WDR33: variants seen among roughly 807,000 people sequenced by gnomAD.
The protein encoded by WDR33 is pre-mRNA 3' end processing protein WDR33.
A neutral mutation model predicts 164.9 loss-of-function variants in WDR33; 47 were observed. That is an observed-to-expected ratio of 0.29 (90% CI 0.23 to 0.36). The LOEUF (loss-of-function observed/expected upper bound fraction) is 0.36, where lower values mean the gene tolerates loss of function less well. WDR33 is among the 10% of genes least tolerant of loss of function. WDR33 has a pLI of 1.00. For missense variants in WDR33, 1,137 were observed against 1,754.1 expected (o/e 0.65, Z 6.28); for synonymous variants, 505 against 589.0 (o/e 0.86, Z 2.06).
chr2:127,734,356 C>T (rs1227200902), intron 7 of WDR33, among the ~76,000 whole-genome samples: 1 of 152,184 alleles, frequency 6.6e-6, no homozygotes, highest in East Asian at 1.9e-4. Flanking sequence ...CTTCAGAGTC[C>T]TAGCTAAATG....
At chr2:127,795,102 C>CTCTTT (rs1553481290) in intron 1 of WDR33, among the ~76,000 whole-genome samples, 27 of 131,138 alleles carry the variant, frequency 2.1e-4, no homozygotes, top group Admixed American at 1.9e-3. Flanking sequence ...AATAACTTCT[C>CTCTTT]TTTTTTTTTT....
Position 127,725,152 on chromosome 2 carries a change from T to G in WDR33, c.915A>C (p.Thr305=), listed in dbSNP as rs1686534108. ...GTTTACAGAGATGATCACGTGATGC[T>G]GTGAGTAGCCAATTGCCATTGAGGT... is the stretch of plus-strand genomic sequence containing the variant. ...KLNLNGNWLL[T]ASRDHLCKLF... Residue 305 remains threonine, a synonymous_variant, in exon 9 of 22, where the codon ACA becomes ACC. Coordinates refer to ENST00000322313, the MANE Select transcript of WDR33 (RefSeq NM_018383.5). 1.2e-6 allele frequency: 2 copies of G among 1,613,994 alleles called. No individual in the cohort carries two copies. Among genetic ancestry groups the G allele is most frequent in the Non-Finnish European group, 1.7e-6 (2 of 1,179,998 alleles).
chr2:127,726,137 A>G lies in WDR33; in HGVS notation c.851+514T>C, dbSNP rs916907660. 6.6e-6 allele frequency among the ~76,000 whole-genome samples: 1 copy of G among 152,250 alleles called. No individual in the cohort carries two copies. Among genetic ancestry groups the G allele is most frequent in the African/African-American group, 2.4e-5 (1 of 41,468 alleles). Reference sequence around the variant, plus strand: ...AGGAAATGGATGCTTGGTCAAAAAAATGTTAACATATGCATGTAGCTGTGA... The same window carrying G: ...AGGAAATGGATGCTTGGTCAAAAAAGTGTTAACATATGCATGTAGCTGTGA... On this transcript the variant is annotated intron_variant, in intron 8 of 21. Coordinates refer to ENST00000322313, the MANE Select transcript of WDR33 (RefSeq NM_018383.5). This position sits in a 1 kb window ranked among gnomAD's most constrained non-coding sequence, Gnocchi z 4.8.
chr2:127,711,780 A>ATATATATATATATATTTTTTTTTTTTTTT, intron 18 of WDR33, among the ~76,000 whole-genome samples: 1 of 88,306 alleles, frequency 1.1e-5, no homozygotes, highest in South Asian at 4.6e-4. Context: ...ATATATATAT[A>ATATATATATATATATTTTTTTTTTTTTTT]TTTTTTTTTT....
At chr2:127,765,515 C>G (rs1048148272) in intron 4 of WDR33, among the ~76,000 whole-genome samples, 2 of 151,960 alleles carry the variant, frequency 1.3e-5, no homozygotes, top group Admixed American at 1.3e-4. Flanking sequence ...GTATACGCAC[C>G]TACTCACTAA....
chr2:127,714,050 T>A lies in WDR33; in HGVS notation c.2870-29A>T, dbSNP rs749781208. 5 of 1,496,208 alleles carry A rather than the reference T, an allele frequency of 3.3e-6. No individual in the cohort carries two copies. Among genetic ancestry groups the A allele is most frequent in the African/African-American group, 2.8e-5 (2 of 71,392 alleles). The allele number at this position is 1,496,208 out of a possible 1,614,324, so 92.7% of individuals were successfully genotyped here. A position where few individuals can be genotyped will look rare whatever the true frequency, so the allele number is the denominator to read the frequency against. On this transcript the variant is annotated intron_variant, in intron 17 of 21. Transcript: ENST00000322313. This position sits in a 1 kb window ranked among gnomAD's most constrained non-coding sequence, Gnocchi z 4.3. Reference sequence around the variant, plus strand: ...AAGGAAACAAAGCTGACTTTTACCATGTCTTCCAGGAAACCTGCCAACATA... The same window carrying A: ...AAGGAAACAAAGCTGACTTTTACCAAGTCTTCCAGGAAACCTGCCAACATA...
chr2:127,708,757 G>A lies in WDR33; in HGVS notation c.3701C>T (p.Pro1234Leu), dbSNP rs771725494. The change falls in exon 21 of 22, where the codon CCC becomes CTC. Residue 1234 changes from proline to leucine, a missense_variant. This residue lies in a region of WDR33 where 867 missense variants were observed against 1,073.0 expected (regional missense o/e 0.81). Coordinates refer to ENST00000322313, the MANE Select transcript of WDR33 (RefSeq NM_018383.5). This position sits in a 1 kb window ranked among gnomAD's most constrained non-coding sequence, Gnocchi z 6.7. ...DMASLPPRKRPWHDGPGTSEH... is the reference protein window; with the variant it reads ...DMASLPPRKRLWHDGPGTSEH... ...AGAAGTGCCTGGGCCATCATGCCAG[G>A]GGCGCTTTCGGGGAGGTAGGGATGC... The A allele has an allele frequency of 1.5e-5, 24 of 1,613,792 alleles. No individual in the cohort carries two copies. The highest frequency in any genetic ancestry group is 1.9e-5 in the Non-Finnish European group (22 of 1,179,890).
chr2:127,729,518 GTCTC>G (rs1573893750), intron 7 of WDR33, among the ~76,000 whole-genome samples: 1 of 150,768 alleles, frequency 6.6e-6, no homozygotes, highest in African/African-American at 2.4e-5. Flanking sequence ...TTGAGATGGA[GTCTC>G]TCTCTGTCAC....
In WDR33 at chr2:127,702,748, C is replaced by T. The variant is rs896738218; in HGVS notation, c.*3575G>A. ...GGGTTTTTTCTTCAGTTAACAAAAT[C>T]ATAAATATGGTGCCTTATAACATGA... On this transcript the variant is annotated 3_prime_UTR_variant, in exon 22 of 22. Coordinates refer to ENST00000322313, the MANE Select transcript of WDR33 (RefSeq NM_018383.5). 2.4e-5 allele frequency: 4 copies of T among 167,012 alleles called. No homozygotes were observed. The highest frequency in any genetic ancestry group is 7.2e-5 in the African/African-American group (3 of 41,432). The allele number at this position is 167,012 out of a possible 1,614,324, so 10.3% of individuals were successfully genotyped here. A position where few individuals can be genotyped will look rare whatever the true frequency, so the allele number is the denominator to read the frequency against.
In WDR33 at chr2:127,744,019, A is replaced by T. The variant is rs528424723; in HGVS notation, c.725-17242T>A. Among the ~76,000 whole-genome samples, 7 of 152,312 alleles carry T rather than the reference A, an allele frequency of 4.6e-5. No individual in the cohort carries two copies. In the South Asian group the frequency reaches 1.5e-3, roughly 32 times the overall value. On this transcript the variant is annotated intron_variant, in intron 7 of 21. Transcript: ENST00000322313. The stretch of plus-strand genomic sequence containing the variant: ...TTCCATCCCTCTATGGGGCTGGAGG[A>T]AAGACTTTTTACCATGTGTGCTTAT...
At position 127,774,762 on chromosome 2, in the gene WDR33, G is replaced by A. The variant is rs569596916; in HGVS notation, c.-23-3758C>T. The stretch of plus-strand genomic sequence containing the variant: ...GGAGAATGGCGTGAACCCGGGAGGC[G>A]GAGCTTGCAGTGAGCAGAGATTCCG... On this transcript the variant is annotated intron_variant, in intron 1 of 21. Coordinates refer to ENST00000322313, the MANE Select transcript of WDR33 (RefSeq NM_018383.5). 1.1e-3 allele frequency among the ~76,000 whole-genome samples: 166 copies of A among 152,154 alleles called. 1 individual carries two copies. The highest frequency in any genetic ancestry group is 3.8e-3 in the African/African-American group (158 of 41,528).
intron 1 of WDR33, among the ~76,000 whole-genome samples, chr2:127,782,133 G>A (rs183778206): frequency 7.9e-4 from 120 of 152,102 alleles, no homozygotes; most frequent in African/African-American, 2.6e-3. Context: ...TCAGCCGGGC[G>A]CAGTGGCTCA....
intron 1 of WDR33, among the ~76,000 whole-genome samples, chr2:127,805,239 A>G (rs7578247): frequency 0.44 from 66,575 of 151,036 alleles, 15,760 homozygotes; most frequent in African/African-American, 0.62. Context: ...CACCAAACCC[A>G]GCATTTTTTT....
Position 127,720,477 on chromosome 2 carries a change from G to T in WDR33, c.1672-124C>A. 8.4e-7 allele frequency: 1 copy of T among 1,187,544 alleles called. No individual in the cohort carries two copies. The highest frequency in any genetic ancestry group is 1.1e-6 in the Non-Finnish European group (1 of 898,426). The allele number at this position is 1,187,544 out of a possible 1,614,324, so 73.6% of individuals were successfully genotyped here. A position where few individuals can be genotyped will look rare whatever the true frequency, so the allele number is the denominator to read the frequency against. ...CATAAAAACTGCTCAAACTCTTCAC[G>T]CTCCAGTGGTAATTAGAGTCCATGC... On this transcript the variant is annotated intron_variant, in intron 15 of 21. Transcript: ENST00000322313. The surrounding 1 kb of genome is among the most constrained non-coding windows in gnomAD (Gnocchi z 5.9).
intron 1 of WDR33, among the ~76,000 whole-genome samples, chr2:127,793,346 G>A (rs903067961): frequency 1.3e-5 from 2 of 151,700 alleles, no homozygotes; most frequent in Non-Finnish European, 2.9e-5. Context: ...CAGGAGAATC[G>A]CTTCAACCCG....
chr2:127,711,780 A>ATATATTTTTTTTTTTTTTT, intron 18 of WDR33, among the ~76,000 whole-genome samples: 3 of 88,304 alleles, frequency 3.4e-5, no homozygotes, highest in South Asian at 4.6e-4. Context: ...ATATATATAT[A>ATATATTTTTTTTTTTTTTT]TTTTTTTTTT....
At chr2:127,766,429 C>G (rs775953158) in intron 4 of WDR33, among the ~76,000 whole-genome samples, 7 of 152,170 alleles carry the variant, frequency 4.6e-5, no homozygotes, top group Non-Finnish European at 1.0e-4. Flanking sequence ...TCCCCTCTTT[C>G]TAGTTTCTGT....
intron 1 of WDR33, among the ~76,000 whole-genome samples, chr2:127,801,082 CAT>C (rs1689220794): frequency 7.0e-6 from 1 of 143,856 alleles, no homozygotes; most frequent in Non-Finnish European, 1.5e-5. Flanking sequence ...GGACAGACAA[CAT>C]AGTGAGACCC....
Position 127,753,009 on chromosome 2 carries a change from C to T in WDR33, c.724+10053G>A, listed in dbSNP as rs908013957. Among the ~76,000 whole-genome samples the T allele has an allele frequency of 3.9e-5, 6 of 152,338 alleles. No individual in the cohort carries two copies. In the East Asian group the frequency reaches 9.6e-4, roughly 24 times the overall value. On this transcript the variant is annotated intron_variant, in intron 7 of 21. Transcript: ENST00000322313. ...CACACTGTCGGTTCATTGCAACCTC[C>T]TCTGCCTCCTGGGTTCAAGCAATTC...
Sources: gnomAD v4.1 joint callset for allele counts (sites outside exome capture counted in the v4.1 genomes callset) on GRCh38, gnomAD v4.1.1 for gene constraint, gnomAD v4.1.1 regional missense constraint, Gnocchi (gnomAD v3.1) non-coding constraint, MANE v1.5 for transcripts, NCBI Gene and HGNC (gene_info 2026-07-23, HGNC 2026-07-21) for gene names.